Variants in PRKN observed in about 807,000 individuals in gnomAD.
PRKN encodes the protein E3 ubiquitin-protein ligase parkin.
In PRKN, 56 loss-of-function variants were observed where a neutral mutation model predicts 59.5. That is an observed-to-expected ratio of 0.94 (90% CI 0.76 to 1.18). PRKN has a LOEUF of 1.18. PRKN is among the 50% of genes most tolerant of loss of function. The pLI is 0.00. For synonymous variants in PRKN, 250 were observed against 222.1 expected (o/e 1.13, Z -1.12); for missense variants, 657 against 596.4 (o/e 1.10, Z -1.06).
chr6:162,613,823 A>C (rs574711468), intron 1 of PRKN, among the ~76,000 whole-genome samples: 2 of 152,242 alleles, frequency 1.3e-5, no homozygotes, highest in African/African-American at 4.8e-5. Flanking sequence ...AGTAACAAAA[A>C]TAAAAACACC....
At chr6:162,293,924 C>T (rs544568640) in intron 2 of PRKN, among the ~76,000 whole-genome samples, 31 of 152,214 alleles carry the variant, frequency 2.0e-4, no homozygotes, top group Middle Eastern at 3.4e-3. Context: ...GTGATCCGTC[C>T]GCCTCGGCCT....
intron 1 of PRKN, among the ~76,000 whole-genome samples, chr6:162,656,015 T>G (rs762827983): frequency 6.6e-6 from 1 of 152,180 alleles, no homozygotes; most frequent in Non-Finnish European, 1.5e-5. Flanking sequence ...AGGCCCAAAT[T>G]ATATAAATTA....
At chr6:161,612,589 C>T (rs951346995) in intron 7 of PRKN, among the ~76,000 whole-genome samples, 2 of 151,828 alleles carry the variant, frequency 1.3e-5, no homozygotes, top group East Asian at 1.9e-4. Flanking sequence ...GGCGTGGTGG[C>T]GTGAGCCTGT....
At chr6:162,576,745 G>A (rs1222302253) in intron 1 of PRKN, among the ~76,000 whole-genome samples, 5 of 150,642 alleles carry the variant, frequency 3.3e-5, no homozygotes, top group African/African-American at 1.2e-4. Context: ...CCAGAGAGGC[G>A]GAGGTTGCAG....
At chr6:162,634,751 G>A (rs1258306008) in intron 1 of PRKN, among the ~76,000 whole-genome samples, 3 of 152,088 alleles carry the variant, frequency 2.0e-5, no homozygotes, top group Non-Finnish European at 2.9e-5. Flanking sequence ...AGTCTCCCAA[G>A]TAGCTGGGAC....
At chr6:162,151,341 GA>G (rs1453284991) in intron 4 of PRKN, among the ~76,000 whole-genome samples, 1 of 152,180 alleles carries the variant, frequency 6.6e-6, no homozygotes, top group Non-Finnish European at 1.5e-5. Context: ...CACCTTCTTA[GA>G]AAATGAAATT....
chr6:162,440,309 C>T (rs918334884), intron 2 of PRKN, among the ~76,000 whole-genome samples: 1 of 152,096 alleles, frequency 6.6e-6, no homozygotes, highest in African/African-American at 2.4e-5. Flanking sequence ...TATAATCTTA[C>T]AAATACCCTT....
chr6:161,364,425 T>A (rs1785108602), intron 10 of PRKN, among the ~76,000 whole-genome samples: 2 of 112,914 alleles, frequency 1.8e-5, no homozygotes, highest in Non-Finnish European at 3.2e-5. Flanking sequence ...ACCACTACAC[T>A]CCAGCCTGGG....
chr6:162,033,708 T>C (rs1028017017), intron 5 of PRKN, among the ~76,000 whole-genome samples: 10 of 152,164 alleles, frequency 6.6e-5, no homozygotes, highest in African/African-American at 2.4e-4. Context: ...TTAGAAATCG[T>C]TTTTTATCAT....
chr6:161,680,475 A>T (rs1417167149), intron 7 of PRKN, among the ~76,000 whole-genome samples: 1 of 152,040 alleles, frequency 6.6e-6, no homozygotes, highest in Non-Finnish European at 1.5e-5. Flanking sequence ...GGCCTAAATG[A>T]GGGGTGCCCT....
At chr6:162,208,983 A>C (rs1447163846) in intron 3 of PRKN, among the ~76,000 whole-genome samples, 2 of 152,160 alleles carry the variant, frequency 1.3e-5, no homozygotes, top group African/African-American at 4.8e-5. Context: ...CAGACCTAAA[A>C]CCATAAAAAC....
At position 161,380,263 on chromosome 6, in the gene PRKN, G is replaced by A. The variant is rs536199380; in HGVS notation, c.1167+6531C>T. ...TTCAATGAACAATTCCTCCAACCCC[G>A]TGGAGAACTGGCCAGGTCCCACTTT... On this transcript the variant is annotated intron_variant, in intron 10 of 11. Coordinates refer to ENST00000366898, the MANE Select transcript of PRKN (RefSeq NM_004562.3). Among the ~76,000 whole-genome samples, 9 of 152,076 alleles carry A rather than the reference G, an allele frequency of 5.9e-5. No individual in the cohort carries two copies. In the South Asian group the frequency reaches 8.3e-4, roughly 14 times the overall value.
chr6:161,867,740 C>CATTTATTTATTTATTTATTTATTTATTT, intron 6 of PRKN, among the ~76,000 whole-genome samples: 1 of 137,606 alleles, frequency 7.3e-6, no homozygotes, highest in South Asian at 2.3e-4. Context: ...AAAAATCTTT[C>CATTTATTTATTTATTTATTTATTTATTT]ATTTATTTAT....
At chr6:162,140,658 T>C (rs1781737952) in intron 4 of PRKN, among the ~76,000 whole-genome samples, 1 of 152,086 alleles carries the variant, frequency 6.6e-6, no homozygotes, top group Non-Finnish European at 1.5e-5. Context: ...TCTCAGAGGG[T>C]TGCCAAATGA....
At chr6:162,162,664 A>G (rs1025142968) in intron 4 of PRKN, among the ~76,000 whole-genome samples, 15 of 152,222 alleles carry the variant, frequency 9.9e-5, no homozygotes, top group African/African-American at 3.6e-4. Flanking sequence ...AAAATACACA[A>G]AACAAGCAAG....
rs759083315 is a variant in PRKN at position 161,423,250 on chromosome 6, A to C, written c.1084-36373T>G. Among the ~76,000 whole-genome samples the C allele has an allele frequency of 6.6e-6, 1 of 152,038 alleles. No individual in the cohort carries two copies. On this transcript the variant is annotated intron_variant, in intron 9 of 11. Transcript: ENST00000366898. The surrounding 1 kb of genome is among the most constrained non-coding windows in gnomAD (Gnocchi z 5.9). ...AATGAATAGGGAGGCACTCACGTTAATTTTTCTCAACTAGTATCTGAAGGG... is the reference window on the plus strand; with the variant it reads ...AATGAATAGGGAGGCACTCACGTTACTTTTTCTCAACTAGTATCTGAAGGG...
At chr6:162,292,351 G>C (rs1781474426) in intron 2 of PRKN, among the ~76,000 whole-genome samples, 2 of 152,114 alleles carry the variant, frequency 1.3e-5, no homozygotes, top group South Asian at 4.1e-4. Flanking sequence ...TAAAGGAGCA[G>C]AATATTTCAA....
At chr6:161,644,584 G>A (rs915503564) in intron 7 of PRKN, among the ~76,000 whole-genome samples, 1 of 152,138 alleles carries the variant, frequency 6.6e-6, no homozygotes, top group South Asian at 2.1e-4. Flanking sequence ...TCCAAGTGTG[G>A]GCGCCTGACC....
chr6:161,968,880 A>G (rs1780688053), intron 6 of PRKN, among the ~76,000 whole-genome samples: 1 of 152,236 alleles, frequency 6.6e-6, no homozygotes, highest in South Asian at 2.1e-4. Flanking sequence ...TGAATGAGAA[A>G]GCAATTGCTG....
Sources: gnomAD v4.1 joint callset for allele counts (sites outside exome capture counted in the v4.1 genomes callset) on GRCh38, gnomAD v4.1.1 for gene constraint, Gnocchi (gnomAD v3.1) non-coding constraint, MANE v1.5 for transcripts, NCBI Gene and HGNC (gene_info 2026-07-23, HGNC 2026-07-21) for gene names.